The following AFF1 variants were observed in gnomAD, a reference collection of about 807,000 sequenced individuals.
AFF1 encodes AF4/FMR2 family member 1.
AFF1 carries 48 observed loss-of-function variants against 121.7 expected under a neutral mutation model. The ratio of observed to expected loss-of-function variants is 0.39; its 90% CI spans 0.31 to 0.50. The LOEUF is 0.50. AFF1 is among the 20% of genes least tolerant of loss of function. The probability of loss-of-function intolerance (pLI) is 0.76; values close to 1 mark genes in which losing one functional copy is unlikely to be tolerated. For synonymous variants in AFF1, 613 were observed against 563.0 expected (o/e 1.09, Z -1.26); for missense variants, 1,523 against 1,511.7 (o/e 1.01, Z -0.12).
At position 87,115,272 on chromosome 4, in the gene AFF1, C is replaced by T; in HGVS notation, c.2439C>T (p.Ser813=). 3 of 1,609,372 alleles carry T rather than the reference C, an allele frequency of 1.9e-6. No individual in the cohort carries two copies. The highest frequency in any genetic ancestry group is 1.7e-4 in the Middle Eastern group (1 of 6,050). Residue 813 remains serine (S), a synonymous_variant, in exon 12 of 21, where the codon AGC becomes AGT. Coordinates refer to ENST00000395146, the MANE Select transcript of AFF1 (RefSeq NM_001166693.3). ...GCTCTGAGAAGAGGAGCTCAGACAG[C>T]TCAAGCAAGTTGGCCAAAAAGAGAA... ...KHSSEKRSSD[S]SSKLAKKRKG...
At chr4:87,132,184 T>C (rs1728892883) in intron 18 of AFF1, 87 bp from the exon 19 acceptor site, 1 of 1,492,956 alleles carries the variant, frequency 6.7e-7, no homozygotes, top group African/African-American at 1.4e-5. Flanking sequence ...GCAAACCCGG[T>C]GTGTTCATTA....
chr4:87,025,334 A>G (rs1210450455), intron 2 of AFF1, among the ~76,000 whole-genome samples: 1 of 152,220 alleles, frequency 6.6e-6, no homozygotes, highest in African/African-American at 2.4e-5. Context: ...TTTTTGGTAC[A>G]ATTCTCATCT....
intron 2 of AFF1, chr4:87,036,816 TTC>T (rs1491265852): frequency 4.3e-5 from 22 of 513,934 alleles, no homozygotes; most frequent in Admixed American, 7.9e-5. Flanking sequence ...TCTGCTTTTT[TTC>T]TCTCTCTCCC....
intron 2 of AFF1, among the ~76,000 whole-genome samples, chr4:87,020,585 A>C (rs527739448): frequency 6.6e-6 from 1 of 152,276 alleles, no homozygotes; most frequent in East Asian, 1.9e-4. Context: ...CCTGGGTTCA[A>C]GGGATTCTCC....
At chr4:87,119,257 A>C (rs1464546144) in intron 12 of AFF1, among the ~76,000 whole-genome samples, 1 of 152,102 alleles carries the variant, frequency 6.6e-6, no homozygotes, top group Non-Finnish European at 1.5e-5. Flanking sequence ...GTAATACACA[A>C]CCAGGCCAGT....
At chr4:86,996,560 C>G (rs1725222008) in intron 2 of AFF1, among the ~76,000 whole-genome samples, 1 of 150,914 alleles carries the variant, frequency 6.6e-6, no homozygotes, top group African/African-American at 2.4e-5. Context: ...ACTCCCTAAT[C>G]TCAAGTACCC....
intron 4 of AFF1, among the ~76,000 whole-genome samples, chr4:87,052,799 G>T (rs1731407584): frequency 6.6e-6 from 1 of 151,908 alleles, no homozygotes; most frequent in Admixed American, 6.6e-5. Flanking sequence ...GACAAGTTCT[G>T]GATCTGTTTG....
intron 10 of AFF1, among the ~76,000 whole-genome samples, chr4:87,107,309 A>G (rs1245989579): frequency 6.6e-6 from 1 of 152,250 alleles, no homozygotes; most frequent in East Asian, 1.9e-4. Flanking sequence ...AATTAATACC[A>G]TCTAGGGTGA....
chr4:87,032,387 AGAAACGAGTG>A (rs538080944), intron 2 of AFF1, among the ~76,000 whole-genome samples: 137 of 152,360 alleles, frequency 9.0e-4, no homozygotes, highest in Non-Finnish European at 1.7e-3. Flanking sequence ...TTCTTTCTGT[AGAAACGAGTG>A]TGGCGTGTGT....
chr4:87,099,471 G>T (rs1160885024), intron 8 of AFF1, among the ~76,000 whole-genome samples: 1 of 152,142 alleles, frequency 6.6e-6, no homozygotes, highest in Admixed American at 6.5e-5. Context: ...GTGCAGTGGG[G>T]TGACCTCGGT....
In AFF1 at chr4:87,104,597, A is replaced by C. The variant is rs541428292; in HGVS notation, c.1284-1031A>C. Reference sequence around the variant, plus strand: ...GCCAAGTTTCGTTCATTTTCATTAGAAAACATAGTGATTTTTACCAGGATT... The same window carrying C: ...GCCAAGTTTCGTTCATTTTCATTAGCAAACATAGTGATTTTTACCAGGATT... On this transcript the variant is annotated intron_variant, in intron 8 of 20. Transcript: ENST00000395146. Among the ~76,000 whole-genome samples, 13 of 152,278 alleles carry C rather than the reference A, an allele frequency of 8.5e-5. No homozygotes were observed. The South Asian group carries it at 2.5e-3, about 29-fold the overall frequency.
intron 8 of AFF1, among the ~76,000 whole-genome samples, chr4:87,101,475 G>A (rs1725426285): frequency 6.6e-6 from 1 of 152,112 alleles, no homozygotes; most frequent in Admixed American, 6.5e-5. Context: ...TACTCAGGAG[G>A]CTTAAGTAGG....
chr4:87,026,011 G>T (rs893473698), intron 2 of AFF1, among the ~76,000 whole-genome samples: 7 of 151,526 alleles, frequency 4.6e-5, no homozygotes, highest in African/African-American at 1.7e-4. Flanking sequence ...ACCACAGTTA[G>T]GAAGTGGCAG....
intron 5 of AFF1, among the ~76,000 whole-genome samples, chr4:87,089,045 A>G (rs1724029244): frequency 6.6e-6 from 1 of 152,122 alleles, no homozygotes; most frequent in African/African-American, 2.4e-5. Context: ...GCCCGGCCGC[A>G]TGTCGAGTAT....
At position 87,138,490 on chromosome 4, in the gene AFF1, G is replaced by GGTGTGTGTGT; in HGVS notation, c.*2812_*2821dup. 4 of 218,494 alleles carry GGTGTGTGTGT rather than the reference G, an allele frequency of 1.8e-5. No individual in the cohort carries two copies. Among genetic ancestry groups the GGTGTGTGTGT allele is most frequent in the African/African-American group, 4.8e-5 (2 of 41,902 alleles). The allele number at this position is 218,494 out of a possible 1,614,324, so 13.5% of individuals were successfully genotyped here. A position where few individuals can be genotyped will look rare whatever the true frequency, so the allele number is the denominator to read the frequency against. Reference sequence around the variant, plus strand: ...GTAAATCTTGCCTTTGGCACTACAAGGTGTGTGTGTGTGTGTGTGTGTGTG... The same window carrying GGTGTGTGTGT: ...GTAAATCTTGCCTTTGGCACTACAAGGTGTGTGTGTGTGTGTGTGTGTGTGTGTGTGTGTG... On this transcript the variant is annotated 3_prime_UTR_variant, in exon 21 of 21. Transcript: ENST00000395146.
intron 4 of AFF1, among the ~76,000 whole-genome samples, chr4:87,056,234 T>C (rs1720127180): frequency 6.6e-6 from 1 of 152,208 alleles, no homozygotes; most frequent in African/African-American, 2.4e-5. Context: ...CTCTGTCCTT[T>C]AGATAAATCA....
intron 2 of AFF1, chr4:87,006,848 C>T (rs887870887): frequency 2.9e-5 from 17 of 582,740 alleles, no homozygotes; most frequent in Non-Finnish European, 3.5e-5. Context: ...GCCCCCTACC[C>T]GACCCTGCCT....
intron 1 of AFF1, among the ~76,000 whole-genome samples, chr4:86,938,941 T>C (rs1720251200): frequency 1.3e-5 from 2 of 152,244 alleles, no homozygotes. Flanking sequence ...TAAGGATTTC[T>C]TGCTAGAGTG....
rs397994389 is a variant in AFF1 at position 87,002,119 on chromosome 4, T to TC, written c.39-44044dup. Among the ~76,000 whole-genome samples the TC allele has an allele frequency of 1.1e-4, 16 of 148,664 alleles. No homozygotes were observed. The South Asian group carries it at 1.9e-3, about 18-fold the overall frequency. Reference sequence around the variant, plus strand: ...TTTTCTTTTCCTTTTTTTTTTTTTTTCCCAGAGACGGTCTTGCTCTGTTGC... The same window carrying TC: ...TTTTCTTTTCCTTTTTTTTTTTTTTTCCCCAGAGACGGTCTTGCTCTGTTGC... On this transcript the variant is annotated intron_variant, in intron 2 of 20. Transcript: ENST00000395146.
Sources: gnomAD v4.1 joint callset for allele counts (sites outside exome capture counted in the v4.1 genomes callset) on GRCh38, gnomAD v4.1.1 for gene constraint, MANE v1.5 for transcripts, NCBI Gene and HGNC (gene_info 2026-07-23, HGNC 2026-07-21) for gene names.